TBCE: variants seen among roughly 807,000 people sequenced by gnomAD.
TBCE encodes tubulin folding cofactor E.
In TBCE, 53 loss-of-function variants were observed where a neutral mutation model predicts 77.0. That is an observed-to-expected ratio of 0.69 (90% confidence interval 0.55 to 0.87). TBCE has a LOEUF of 0.87. Ranked by LOEUF, TBCE falls within the 40% of genes least tolerant of loss-of-function variation. The probability of loss-of-function intolerance (pLI) is 0.00; values close to 1 mark genes in which losing one functional copy is unlikely to be tolerated. For missense variants in TBCE, 624 were observed against 622.4 expected (o/e 1.00, Z -0.03); for synonymous variants, 235 against 241.3 (o/e 0.97, Z 0.24).
At position 235,432,947 on chromosome 1, in the gene TBCE, C is replaced by T. The variant is rs1384787434; in HGVS notation, c.661-1257C>T. ...TTTTTTGTAAAAAAAAAAAATTAGG[C>T]TCATGCGCAGTGTGGTGGCAGCAGG... On this transcript the variant is annotated intron_variant, in intron 7 of 16. Transcript: ENST00000642610. 3 of 1,336,450 alleles carry T rather than the reference C, an allele frequency of 2.2e-6. No individual in the cohort carries two copies. In the East Asian group the frequency reaches 9.1e-5, roughly 41 times the overall value. The allele number at this position is 1,336,450 out of a possible 1,614,324, so 82.8% of individuals were successfully genotyped here.
At chr1:235,416,353 A>T (rs1307120363) in intron 4 of TBCE, among the ~76,000 whole-genome samples, 4 of 151,894 alleles carry the variant, frequency 2.6e-5, no homozygotes, top group Non-Finnish European at 5.9e-5. Flanking sequence ...CTCTACAAAA[A>T]AAATAAATAA....
intron 4 of TBCE, chr1:235,415,719 G>C (rs534336458): frequency 6.6e-6 from 1 of 151,364 alleles, no homozygotes; most frequent in East Asian, 1.9e-4. Flanking sequence ...AGCATACATG[G>C]CCCCCATTAA....
intron 11 of TBCE, 135 bp from the exon 12 acceptor site, chr1:235,437,187 G>C: frequency 2.0e-6 from 2 of 999,058 alleles, no homozygotes; most frequent in Non-Finnish European, 3.1e-6. Flanking sequence ...TTTCTAGAGG[G>C]GATTGCTTAG....
chr1:235,434,219 G>C lies in TBCE; in HGVS notation c.676G>C (p.Ala226Pro). Residue 226 changes from alanine (A) to proline (P), a missense_variant, in exon 8 of 17, where the codon GCG becomes CCG. Transcript: ENST00000642610. The part of the protein sequence containing the change: ...ITWAEVLRCV[A>P]GCPGLEELYL... Reference sequence around the variant, plus strand: ...TCTCTTCCAGGTGCTGCGGTGTGTCGCGGGGTGCCCAGGCCTGGAGGAACT... The same window carrying C: ...TCTCTTCCAGGTGCTGCGGTGTGTCCCGGGGTGCCCAGGCCTGGAGGAACT... 6.2e-7 allele frequency: 1 copy of C among 1,614,066 alleles called. No homozygotes were observed. Among genetic ancestry groups the C allele is most frequent in the Non-Finnish European group, 8.5e-7 (1 of 1,180,004 alleles).
intron 3 of TBCE, among the ~76,000 whole-genome samples, chr1:235,410,072 G>A (rs1679695214): frequency 2.0e-5 from 3 of 147,202 alleles, no homozygotes; most frequent in South Asian, 4.3e-4. Flanking sequence ...AAAATTAGCC[G>A]GGCGTGGTGT....
chr1:235,440,307 A>G (rs568593915), intron 13 of TBCE, among the ~76,000 whole-genome samples: 1 of 151,730 alleles, frequency 6.6e-6, no homozygotes, highest in Non-Finnish European at 1.5e-5. Context: ...CTTCTCTTGC[A>G]TATGTCCACC....
intron 15 of TBCE, among the ~76,000 whole-genome samples, chr1:235,444,523 C>T (rs943733956): frequency 1.3e-5 from 2 of 152,208 alleles, no homozygotes; most frequent in African/African-American, 4.8e-5. Flanking sequence ...CCTACCTCAG[C>T]CTCCTGAGTA....
intron 5 of TBCE, among the ~76,000 whole-genome samples, chr1:235,424,042 G>T (rs1415867557): frequency 2.0e-5 from 3 of 152,134 alleles, no homozygotes; most frequent in Non-Finnish European, 4.4e-5. Flanking sequence ...TTTTTGTAAA[G>T]AAACTTTCTC....
intron 15 of TBCE, among the ~76,000 whole-genome samples, chr1:235,448,020 C>T (rs1012877972): frequency 2.0e-5 from 3 of 152,052 alleles, no homozygotes; most frequent in East Asian, 1.9e-4. Flanking sequence ...ACCAGCCTGG[C>T]CAACATGGTG....
chr1:235,404,150 G>T (rs1302783591), intron 3 of TBCE, among the ~76,000 whole-genome samples: 1 of 152,072 alleles, frequency 6.6e-6, no homozygotes, highest in Non-Finnish European at 1.5e-5. Context: ...GGTGGCGGGC[G>T]CCTGTAGTCC....
chr1:235,368,575 T>TTTTTTTTTG (rs1211954788), intron 1 of TBCE, among the ~76,000 whole-genome samples: 1 of 144,482 alleles, frequency 6.9e-6, no homozygotes, highest in Non-Finnish European at 1.5e-5. Flanking sequence ...TTTTTTTTTT[T>TTTTTTTTTG]GATATGGAGT....
chr1:235,404,335 C>T (rs1355515326), intron 3 of TBCE, among the ~76,000 whole-genome samples: 1 of 151,370 alleles, frequency 6.6e-6, no homozygotes, highest in East Asian at 1.9e-4. Context: ...CCTGTTAGTA[C>T]CAGCTACTTG....
At position 235,380,864 on chromosome 1, in the gene TBCE, C is replaced by G. The variant is rs770236073; in HGVS notation, c.100+715C>G. Among the ~76,000 whole-genome samples the G allele has an allele frequency of 6.0e-4, 92 of 152,150 alleles. 1 individual carries two copies. Among genetic ancestry groups the G allele is most frequent in the Non-Finnish European group, 9.7e-4 (66 of 68,036 alleles). On this transcript the variant is annotated intron_variant, in intron 2 of 16. Coordinates refer to ENST00000642610, the MANE Select transcript of TBCE (RefSeq NM_003193.5). ...GTAGTGGTGCGATGTTGGCTCACCG[C>G]AACCTCTGCCTCCTGGGTTCAAGCG... is the stretch of plus-strand genomic sequence containing the variant.
intron 3 of TBCE, among the ~76,000 whole-genome samples, chr1:235,408,282 A>C (rs890023087): frequency 1.3e-5 from 2 of 152,256 alleles, no homozygotes; most frequent in Non-Finnish European, 2.9e-5. Flanking sequence ...TGTACCCACA[A>C]AAATTAAAAA....
At chr1:235,399,733 A>G (rs1678971270) in intron 2 of TBCE, among the ~76,000 whole-genome samples, 1 of 152,180 alleles carries the variant, frequency 6.6e-6, no homozygotes. Context: ...CCAGCAAATT[A>G]ATCAAATACA....
chr1:235,431,266 G>T (rs1351530586), intron 7 of TBCE, among the ~76,000 whole-genome samples: 1 of 152,110 alleles, frequency 6.6e-6, no homozygotes, highest in African/African-American at 2.4e-5. Context: ...AAGTAGACTT[G>T]TGGGTCCTTG....
At chr1:235,373,090 T>G (rs552912767) in intron 1 of TBCE, among the ~76,000 whole-genome samples, 1 of 152,166 alleles carries the variant, frequency 6.6e-6, no homozygotes, top group African/African-American at 2.4e-5. Context: ...TCCCAGCACT[T>G]TGGGAATCCT....
At chr1:235,405,283 C>T (rs902372723) in intron 3 of TBCE, among the ~76,000 whole-genome samples, 35 of 151,606 alleles carry the variant, frequency 2.3e-4, no homozygotes, top group African/African-American at 7.5e-4. Flanking sequence ...TCCAGAATAC[C>T]TCCTGAAGGA....
At chr1:235,438,082 C>T (rs188283192) in intron 12 of TBCE, among the ~76,000 whole-genome samples, 7 of 152,338 alleles carry the variant, frequency 4.6e-5, no homozygotes, top group Admixed American at 4.6e-4. Context: ...TTCTCAGCCA[C>T]TCTTCCCCAT....
Sources: gnomAD v4.1 joint callset for allele counts (sites outside exome capture counted in the v4.1 genomes callset) on GRCh38, gnomAD v4.1.1 for gene constraint, MANE v1.5 for transcripts, NCBI Gene and HGNC (gene_info 2026-07-23, HGNC 2026-07-21) for gene names.